Variants in TCF25 observed in about 807,000 individuals in gnomAD.
TCF25 encodes the protein TCF25 ribosome quality control complex subunit.
TCF25 carries 41 observed loss-of-function variants against 83.1 expected under a neutral mutation model. The ratio of observed to expected loss-of-function variants is 0.49; its 90% CI spans 0.38 to 0.64. The LOEUF (loss-of-function observed/expected upper bound fraction) is 0.64. Ranked by LOEUF, TCF25 falls within the 30% of genes least tolerant of loss-of-function variation. TCF25 has a pLI of 0.00. For missense variants in TCF25, 979 were observed against 914.5 expected, an observed-to-expected ratio of 1.07 and a Z score of -0.91; for synonymous variants, 458 against 365.0, an observed-to-expected ratio of 1.25 and a Z score of -2.90.
chr16:89,908,535 G>GCTCCCAC (rs2045210006), intron 16 of TCF25, among the ~76,000 whole-genome samples: 1 of 22,102 alleles, frequency 4.5e-5, no homozygotes, highest in Non-Finnish European at 1.0e-4. Flanking sequence ...CCACCTCCCA[G>GCTCCCAC]CTCCCTCCTC....
In TCF25 at chr16:89,904,968, C is replaced by T. The variant is rs745758409; in HGVS notation, c.1500C>T (p.Asn500=). 1.2e-6 allele frequency: 2 copies of T among 1,608,450 alleles called. No individual in the cohort carries two copies. Among genetic ancestry groups the T allele is most frequent in the Non-Finnish European group, 1.7e-6 (2 of 1,177,792 alleles). The change falls in exon 14 of 18, where the codon AAC becomes AAT. Residue 500 remains asparagine (N), a synonymous_variant. Coordinates refer to ENST00000263346, the MANE Select transcript of TCF25 (RefSeq NM_014972.3). The stretch of plus-strand genomic sequence containing the variant: ...CCCCTGCCCTGAGCCAGCTGGTGAA[C>T]CTGTACCTTGGGAGGTCACACTTTC... ...SQPPALSQLV[N]LYLGRSHFLW... is the part of the protein sequence containing the mutation.
intron 3 of TCF25, 71 bp downstream of exon 3, chr16:89,884,727 TC>T (rs1178307557): frequency 7.0e-7 from 1 of 1,434,188 alleles, no homozygotes; most frequent in African/African-American, 1.7e-5. Context: ...TGACGCCCTC[TC>T]CCTCTGCCTG....
At chr16:89,895,676 C>T (rs1011376594) in intron 8 of TCF25, among the ~76,000 whole-genome samples, 1 of 152,244 alleles carries the variant, frequency 6.6e-6, no homozygotes. Context: ...ATAGTGCTTA[C>T]GTCAGCATGC....
chr16:89,907,131 T>G (rs1237043504), intron 15 of TCF25, 112 bp from the exon 16 acceptor site: 1 of 1,061,086 alleles, frequency 9.4e-7, no homozygotes, highest in African/African-American at 1.6e-5. Flanking sequence ...TGTGGCTATC[T>G]CTCAGCAGAT....
intron 6 of TCF25, among the ~76,000 whole-genome samples, chr16:89,893,276 G>A (rs2043570080): frequency 6.6e-6 from 1 of 152,236 alleles, no homozygotes; most frequent in Non-Finnish European, 1.5e-5. Flanking sequence ...ACGTTACAAA[G>A]CTCTGTGGCT....
Position 89,898,748 on chromosome 16 carries a change from T to A in TCF25, c.1116-19T>A. 1.9e-6 allele frequency: 3 copies of A among 1,613,718 alleles called. No individual in the cohort carries two copies. The highest frequency in any genetic ancestry group is 2.5e-6 in the Non-Finnish European group (3 of 1,179,976). Reference sequence around the variant, plus strand: ...GCCCCTGTTCCCCTTTGCTCTGCTCTCTGTGCTGCCTCCGGAAGTCTCGAG... The same window carrying A: ...GCCCCTGTTCCCCTTTGCTCTGCTCACTGTGCTGCCTCCGGAAGTCTCGAG... On this transcript the variant is annotated intron_variant, in intron 10 of 17. Transcript: ENST00000263346.
At chr16:89,907,406 CCAACCT>C (rs2044922121) in intron 16 of TCF25, 84 bp downstream of exon 16, 2 of 273,488 alleles carry the variant, frequency 7.3e-6, no homozygotes, top group African/African-American at 3.3e-5. Flanking sequence ...CCTCCCAGCT[CCAACCT>C]TCCAGCTCCC....
At position 89,873,884 on chromosome 16, in the gene TCF25, GGGGT is replaced by G; in HGVS notation, c.192+29_192+32del. 7 of 1,504,268 alleles carry G rather than the reference GGGGT, an allele frequency of 4.7e-6. No individual in the cohort carries two copies. The Admixed American group carries it at 6.6e-5, about 14-fold the overall frequency. The allele number at this position is 1,504,268 out of a possible 1,614,324, so 93.2% of individuals were successfully genotyped here. On this transcript the variant is annotated intron_variant, in intron 1 of 17. Coordinates refer to ENST00000263346, the MANE Select transcript of TCF25 (RefSeq NM_014972.3). ...GGTGAGGAGCGCGGCGGCCCGGGTG[GGGGT>G]GGGGTGGCCCTTGACGTTGTGGGGC...
chr16:89,879,841 A>T (rs1260989294), intron 1 of TCF25, among the ~76,000 whole-genome samples: 4 of 127,740 alleles, frequency 3.1e-5, no homozygotes, highest in African/African-American at 1.2e-4. Flanking sequence ...GTGTGCACAG[A>T]TGGGCTTCGG....
chr16:89,903,768 A>C lies in TCF25; in HGVS notation c.1382-350A>C, dbSNP rs577256887. On this transcript the variant is annotated intron_variant, in intron 12 of 17. Coordinates refer to ENST00000263346, the MANE Select transcript of TCF25 (RefSeq NM_014972.3). ...GTTGCAGTGAGCCGAGATTTCGCCAACGCACTCCAGCCTGAGCAACAGAGT... is the reference window on the plus strand; with the variant it reads ...GTTGCAGTGAGCCGAGATTTCGCCACCGCACTCCAGCCTGAGCAACAGAGT... Among the ~76,000 whole-genome samples the C allele has an allele frequency of 2.6e-5, 4 of 152,192 alleles. No individual in the cohort carries two copies. In the South Asian group the frequency reaches 8.3e-4, roughly 32 times the overall value.
chr16:89,895,012 T>C, intron 7 of TCF25, 26 bp from the exon 8 acceptor site: 1 of 1,606,424 alleles, frequency 6.2e-7, no homozygotes, highest in Non-Finnish European at 8.5e-7. Flanking sequence ...GTGCCTTTCC[T>C]CCAGGGCTGT....
chr16:89,877,394 C>G (rs928042106), intron 1 of TCF25, among the ~76,000 whole-genome samples: 1 of 152,080 alleles, frequency 6.6e-6, no homozygotes, highest in African/African-American at 2.4e-5. Flanking sequence ...TTTTGAAAGC[C>G]AGTGTGCTGG....
Position 89,900,744 on chromosome 16 carries a change from G to A in TCF25, c.1331G>A (p.Arg444Lys), listed in dbSNP as rs1462938997. Residue 444 changes from arginine to lysine, a missense_variant, in exon 12 of 18, where the codon AGG (arginine) becomes AAG (lysine). Coordinates refer to ENST00000263346, the MANE Select transcript of TCF25 (RefSeq NM_014972.3). ...CCTGAGTGTGAGCAGAGCTCTGCCA[G>A]GCAGAAGGCCTCTCTCCTGATACAG... ...DLPECEQSSA[R>K]QKASLLIQQA... 1.3e-6 allele frequency: 2 copies of A among 1,598,252 alleles called. No homozygotes were observed. The highest frequency in any genetic ancestry group is 1.7e-5 in the Admixed American group (1 of 59,798).
Position 89,884,742 on chromosome 16 carries a change from CCCTCTCCCTCTGTCTGACG to C in TCF25, c.429+89_429+107del, listed in dbSNP as rs1567701962. 2.8e-5 allele frequency: 34 copies of C among 1,223,622 alleles called. 4 individuals are homozygous for C. The African/African-American group carries it at 7.0e-4, about 25-fold the overall frequency. The allele number at this position is 1,223,622 out of a possible 1,614,324, so 75.8% of individuals were successfully genotyped here. On this transcript the variant is annotated intron_variant, in intron 3 of 17. Coordinates refer to ENST00000263346, the MANE Select transcript of TCF25 (RefSeq NM_014972.3). Reference sequence around the variant, plus strand: ...TGACGCCCTCTCCCTCTGCCTGACGCCCTCTCCCTCTGTCTGACGCCCTCTCCCTCTGCCTGACGCCCTC... The same window carrying C: ...TGACGCCCTCTCCCTCTGCCTGACGCCCCTCTCCCTCTGCCTGACGCCCTC...
At position 89,910,654 on chromosome 16, in the gene TCF25, T is replaced by C; in HGVS notation, c.1863T>C (p.Tyr621=). The C allele has an allele frequency of 6.2e-7, 1 of 1,613,568 alleles. No homozygotes were observed. Among genetic ancestry groups the C allele is most frequent in the Non-Finnish European group, 8.5e-7 (1 of 1,179,968 alleles). The part of the protein sequence containing the change: ...ALFFRSLLPN[Y]TMEGERPEEG... ...TCTTCCGGTCACTGTTGCCAAACTA[T>C]ACCATGGAGGTAGGTTGAGCTCGTC... The change falls in exon 17 of 18, where the codon TAT becomes TAC. Residue 621 remains tyrosine, a synonymous_variant. Transcript: ENST00000263346.
intron 6 of TCF25, 79 bp downstream of exon 6, chr16:89,892,354 G>T (rs1480684044): frequency 6.7e-7 from 1 of 1,500,244 alleles, no homozygotes; most frequent in African/African-American, 1.4e-5. Context: ...AGCAAACCAG[G>T]TGAGGGTCTG....
chr16:89,883,497 A>G lies in TCF25; in HGVS notation c.339A>G (p.Thr113=), dbSNP rs1233543646. Residue 113 remains threonine, a synonymous_variant, in exon 2 of 18, where the codon ACA becomes ACG. Coordinates refer to ENST00000263346, the MANE Select transcript of TCF25 (RefSeq NM_014972.3). Reference sequence around the variant, plus strand: ...AGACGGATGGAGATGACACCGAGACAGTGCCCTCAGAGCAGGTGGGGGGCT... The same window carrying G: ...AGACGGATGGAGATGACACCGAGACGGTGCCCTCAGAGCAGGTGGGGGGCT... ...ESKTDGDDTE[T]VPSEQSHASG... is the part of the protein sequence containing the mutation. 38 of 1,607,496 alleles carry G rather than the reference A, an allele frequency of 2.4e-5. No homozygotes were observed. The highest frequency in any genetic ancestry group is 3.1e-5 in the Non-Finnish European group (36 of 1,177,452).
At chr16:89,910,516 C>A in intron 16 of TCF25, 75 bp from the exon 17 acceptor site, 1 of 1,510,020 alleles carries the variant, frequency 6.6e-7, no homozygotes, top group Non-Finnish European at 9.2e-7. Flanking sequence ...AGCTGGCAGG[C>A]AGCCCCGTGA....
chr16:89,909,182 TGGCCA>T, intron 16 of TCF25: 4 of 1,256,292 alleles, frequency 3.2e-6, no homozygotes, highest in Non-Finnish European at 4.1e-6. Context: ...TGCACCAGCC[TGGCCA>T]ACATGGCAAA....
Sources: allele counts gnomAD v4.1 joint callset (sites outside exome capture counted in the v4.1 genomes callset), GRCh38; gene constraint gnomAD v4.1.1; transcripts MANE v1.5; gene names NCBI Gene and HGNC (gene_info 2026-07-23, HGNC 2026-07-21).